The following ATXN8OS variants were observed in gnomAD, a reference collection of about 807,000 sequenced individuals.
ATXN8OS encodes the protein ATXN8 opposite strand lncRNA, also known as ATXN8 opposite strand (non-protein coding).
rs188590445 is a variant in ATXN8OS, at chr13:70,147,039, G to A, written n.500-316G>A. ...AAATTAAGTATGTGTTTTTGCAAAT[G>A]GGAATGACTGTGTTGTGTGCCTTCT... On this transcript the variant is annotated intron_variant and non_coding_transcript_variant, in intron 3 of 4. Transcript: ENST00000678624. Among the ~76,000 whole-genome samples the A allele has an allele frequency of 1.4e-3, 213 of 152,214 alleles. 1 individual carries two copies. The highest frequency in any genetic ancestry group is 4.7e-3 in the African/African-American group (196 of 41,530).
chr13:70,112,096 G>A (rs1458466631), intron 1 of ATXN8OS, among the ~76,000 whole-genome samples: 4 of 152,226 alleles, frequency 2.6e-5, no homozygotes, highest in East Asian at 1.9e-4. Context: ...AAGCAGGCAC[G>A]TCCTACGTGG....
exon 1 of ATXN8OS, chr13:70,108,011 T>A: frequency 2.3e-6 from 1 of 441,618 alleles, no homozygotes; most frequent in Non-Finnish European, 4.0e-6. Context: ...AGCCCCGTGT[T>A]ATGGCGAGGT....
chr13:70,168,961 T>A (rs1280902637), intron 4 of ATXN8OS, among the ~76,000 whole-genome samples: 1 of 152,134 alleles, frequency 6.6e-6, no homozygotes, highest in African/African-American at 2.4e-5. Flanking sequence ...TTGTTTTGTT[T>A]GTTAACTATA....
intron 3 of ATXN8OS, among the ~76,000 whole-genome samples, chr13:70,135,032 CAA>C (rs969086483): frequency 1.3e-5 from 2 of 152,160 alleles, no homozygotes; most frequent in Non-Finnish European, 2.9e-5. Context: ...GAGCAGAAAT[CAA>C]AGACTGCAAG....
At chr13:70,156,054 A>G (rs1352308776) in intron 4 of ATXN8OS, among the ~76,000 whole-genome samples, 1 of 152,208 alleles carries the variant, frequency 6.6e-6, no homozygotes, top group Admixed American at 6.5e-5. Context: ...CTAACAATAA[A>G]AAAACTGGCT....
At chr13:70,124,451 T>C (rs1888400781) in intron 2 of ATXN8OS, among the ~76,000 whole-genome samples, 1 of 152,018 alleles carries the variant, frequency 6.6e-6, no homozygotes, top group Non-Finnish European at 1.5e-5. Flanking sequence ...TCTGATAAGA[T>C]GACAATCAAG....
intron 4 of ATXN8OS, among the ~76,000 whole-genome samples, chr13:70,165,781 G>A (rs2498520): frequency 0.99 from 150,956 of 152,094 alleles, 74,917 homozygotes; most frequent in Middle Eastern, 1. Flanking sequence ...GGAAGATAAC[G>A]GAAGATATGT....
intron 4 of ATXN8OS, among the ~76,000 whole-genome samples, chr13:70,148,442 A>G (rs1888819253): frequency 6.6e-6 from 1 of 152,048 alleles, no homozygotes; most frequent in Non-Finnish European, 1.5e-5. Flanking sequence ...GTTTTGTTGA[A>G]ACTCCAAAAG....
At chr13:70,132,133 A>G (rs1888542774) in intron 3 of ATXN8OS, among the ~76,000 whole-genome samples, 1 of 151,998 alleles carries the variant, frequency 6.6e-6, no homozygotes, top group Non-Finnish European at 1.5e-5. Flanking sequence ...TAGGGACATT[A>G]TTTACTTATC....
intron 2 of ATXN8OS, among the ~76,000 whole-genome samples, chr13:70,127,401 T>TC (rs1236332248): frequency 6.6e-6 from 1 of 152,034 alleles, no homozygotes; most frequent in Non-Finnish European, 1.5e-5. Context: ...TTAGATATCA[T>TC]CGAAAGAATA....
At chr13:70,155,906 T>C (rs982138238) in intron 4 of ATXN8OS, among the ~76,000 whole-genome samples, 2 of 152,308 alleles carry the variant, frequency 1.3e-5, no homozygotes, top group African/African-American at 4.8e-5. Flanking sequence ...ATTTTTCTGC[T>C]TCTTTCTCTT....
intron 4 of ATXN8OS, among the ~76,000 whole-genome samples, chr13:70,159,222 G>T (rs182900019): frequency 1.2e-4 from 18 of 150,716 alleles, no homozygotes; most frequent in African/African-American, 3.9e-4. Flanking sequence ...ACATATAGAA[G>T]AATTAAATTA....
chr13:70,143,691 A>G (rs73520698), intron 3 of ATXN8OS, among the ~76,000 whole-genome samples: 36 of 152,228 alleles, frequency 2.4e-4, no homozygotes, highest in African/African-American at 8.7e-4. Flanking sequence ...GTTTTTTACT[A>G]TATTGCAGCA....
chr13:70,138,139 G>A (rs553234526), intron 3 of ATXN8OS, among the ~76,000 whole-genome samples: 30 of 152,248 alleles, frequency 2.0e-4, no homozygotes, highest in African/African-American at 6.3e-4. Context: ...TTTGGGTGCC[G>A]ACACAGAGCC....
At chr13:70,167,595 G>A (rs978079169) in intron 4 of ATXN8OS, among the ~76,000 whole-genome samples, 1 of 151,538 alleles carries the variant, frequency 6.6e-6, no homozygotes, top group Non-Finnish European at 1.5e-5. Context: ...CACCAACAAT[G>A]CACATGCATA....
chr13:70,126,960 T>A (rs1045911194), intron 2 of ATXN8OS, among the ~76,000 whole-genome samples: 2 of 151,842 alleles, frequency 1.3e-5, no homozygotes, highest in Non-Finnish European at 2.9e-5. Context: ...ACACTATATA[T>A]CTATCTATAG....
chr13:70,171,511 C>T (rs775431552), exon 5 of ATXN8OS, among the ~76,000 whole-genome samples: 9 of 152,076 alleles, frequency 5.9e-5, no homozygotes, highest in Non-Finnish European at 1.2e-4. Flanking sequence ...TTGTTTATGT[C>T]AGCATCACCA....
At chr13:70,146,793 T>A (rs1179212535) in intron 3 of ATXN8OS, among the ~76,000 whole-genome samples, 1 of 151,678 alleles carries the variant, frequency 6.6e-6, no homozygotes, top group Non-Finnish European at 1.5e-5. Flanking sequence ...AGGGATAGCA[T>A]TAGGAGATAT....
intron 2 of ATXN8OS, among the ~76,000 whole-genome samples, chr13:70,119,224 C>T (rs933596153): frequency 1.3e-5 from 2 of 152,074 alleles, no homozygotes; most frequent in Non-Finnish European, 2.9e-5. Flanking sequence ...GCTTGTCTCT[C>T]AAACTTACAA....
Sources: gnomAD v4.1 joint callset for allele counts (sites outside exome capture counted in the v4.1 genomes callset) on GRCh38, gnomAD v4.1.1 for gene constraint, MANE v1.5 for transcripts, NCBI Gene and HGNC (gene_info 2026-07-23, HGNC 2026-07-21) for gene names.